The following CPNE9 variants were observed in gnomAD, a reference collection of about 807,000 sequenced individuals.
CPNE9 encodes the protein copine family member 9.
In CPNE9, 59 loss-of-function variants were observed where a neutral mutation model predicts 83.0. The observed-to-expected ratio is 0.71, with a 90% CI of 0.58 to 0.88. The LOEUF is 0.88. CPNE9 is among the 40% of genes least tolerant of loss of function. The pLI, the probability that CPNE9 is intolerant of heterozygous loss-of-function variation, is 0.00. For synonymous variants in CPNE9, 256 were observed against 273.4 expected, an observed-to-expected ratio of 0.94 and a Z score of 0.63; for missense variants, 619 against 720.8, an observed-to-expected ratio of 0.86 and a Z score of 1.62.
At chr3:9,727,276 T>C (rs937232888) in intron 20 of CPNE9, 90 bp downstream of exon 20, 2 of 1,340,054 alleles carry the variant, frequency 1.5e-6, no homozygotes, top group African/African-American at 2.9e-5. Flanking sequence ...GCCTTCTCAG[T>C]CTCCTACTTT....
chr3:9,728,272 G>C (rs545908027), intron 20 of CPNE9, among the ~76,000 whole-genome samples: 1 of 152,342 alleles, frequency 6.6e-6, no homozygotes, highest in Admixed American at 6.5e-5. Context: ...AGGGCCTCTT[G>C]AGACCAGGAG....
At chr3:9,710,181 A>G (rs1188268333) in intron 7 of CPNE9, among the ~76,000 whole-genome samples, 4 of 152,144 alleles carry the variant, frequency 2.6e-5, no homozygotes, top group African/African-American at 9.7e-5. Flanking sequence ...CTACATTTAC[A>G]TATTGATGGG....
intron 7 of CPNE9, among the ~76,000 whole-genome samples, chr3:9,709,535 A>AT (rs1169933280): frequency 6.6e-6 from 1 of 151,168 alleles, no homozygotes; most frequent in East Asian, 2.1e-4. Flanking sequence ...CGCCCAGCCA[A>AT]TTTTTGTAGT....
chr3:9,725,587 T>G (rs914700195), intron 17 of CPNE9, among the ~76,000 whole-genome samples: 5 of 149,740 alleles, frequency 3.3e-5, no homozygotes, highest in African/African-American at 1.2e-4. Flanking sequence ...TATATATGTG[T>G]ATATATATGT....
Position 9,704,500 on chromosome 3 carries a change from G to GCCT in CPNE9, c.69-85_69-83dup, listed in dbSNP as rs1192286713. ...GACAGAGGTTCGATGCGGGCCCCAT[G>GCCT]CCTCTCCTCAGTGCCCGGCTCAGAG... On this transcript the variant is annotated intron_variant, in intron 1 of 20. Coordinates refer to ENST00000383832, the MANE Select transcript of CPNE9 (RefSeq NM_153635.3). The surrounding 1 kb of genome is among the most constrained non-coding windows in gnomAD (Gnocchi z 7.1). 1.5e-5 allele frequency: 17 copies of GCCT among 1,159,494 alleles called. No individual in the cohort carries two copies. The highest frequency in any genetic ancestry group is 4.2e-4 in the Middle Eastern group (2 of 4,738). The allele number at this position is 1,159,494 out of a possible 1,614,324, so 71.8% of individuals were successfully genotyped here.
chr3:9,713,164 A>G (rs2125465396), intron 10 of CPNE9, 85 bp downstream of exon 10: 6 of 1,055,492 alleles, frequency 5.7e-6, no homozygotes, highest in East Asian at 5.0e-5. Context: ...TAGAAGTATC[A>G]TAATAGCGTT....
chr3:9,726,124 C>T, intron 18 of CPNE9, 73 bp downstream of exon 18: 2 of 938,948 alleles, frequency 2.1e-6, no homozygotes, highest in Non-Finnish European at 3.2e-6. Flanking sequence ...TTTTATCCTA[C>T]TTGCAAGCTA....
intron 20 of CPNE9, among the ~76,000 whole-genome samples, chr3:9,729,091 G>GA (rs2076808080): frequency 6.6e-6 from 1 of 152,154 alleles, no homozygotes; most frequent in African/African-American, 2.4e-5. Flanking sequence ...GGTGGGAGGG[G>GA]GGAGCTTCAA....
At chr3:9,711,197 A>G (rs1439867437) in intron 7 of CPNE9, among the ~76,000 whole-genome samples, 1 of 152,010 alleles carries the variant, frequency 6.6e-6, no homozygotes, top group Non-Finnish European at 1.5e-5. Context: ...TGGATGTGCA[A>G]GCGAATTATT....
intron 10 of CPNE9, 27 bp downstream of exon 10, chr3:9,713,106 A>C (rs1318231809): frequency 6.5e-7 from 1 of 1,536,090 alleles, no homozygotes; most frequent in East Asian, 2.2e-5. Flanking sequence ...GCTGGGGAGT[A>C]AGGAGCCAAG....
intron 4 of CPNE9, 69 bp downstream of exon 4, chr3:9,705,063 C>A: frequency 8.7e-7 from 1 of 1,154,862 alleles, no homozygotes; most frequent in Non-Finnish European, 1.3e-6. Flanking sequence ...TCTGGCTGGC[C>A]CCACCCCCGC....
rs1244804626 is a variant in CPNE9, at chr3:9,704,674, A to G, written c.109+47A>G. ...AGGGGGAACTTGGGGTCTGGGCGCG[A>G]CTCAGGGGCGGGTGGAGTCGGGGCC... On this transcript the variant is annotated intron_variant, in intron 2 of 20. Coordinates refer to ENST00000383832, the MANE Select transcript of CPNE9 (RefSeq NM_153635.3). This position sits in a 1 kb window ranked among gnomAD's most constrained non-coding sequence, Gnocchi z 7.1. 1.2e-6 allele frequency: 2 copies of G among 1,611,832 alleles called. No individual in the cohort carries two copies. The highest frequency in any genetic ancestry group is 2.7e-5 in the African/African-American group (2 of 74,794).
Position 9,712,907 on chromosome 3 carries a change from G to C in CPNE9, c.546-68G>C, listed in dbSNP as rs369200151. The stretch of plus-strand genomic sequence containing the variant: ...GTGGGGGAATCTCAGGAATCTCTGA[G>C]AGCATCTGGATTCAGTCCTACCCCG... On this transcript the variant is annotated intron_variant, in intron 9 of 20. Coordinates refer to ENST00000383832, the MANE Select transcript of CPNE9 (RefSeq NM_153635.3). The C allele has an allele frequency of 4.1e-5, 64 of 1,568,564 alleles. No individual in the cohort carries two copies. In the African/African-American group the frequency reaches 7.7e-4, roughly 19 times the overall value.
intron 17 of CPNE9, among the ~76,000 whole-genome samples, chr3:9,725,463 A>C (rs370982852): frequency 4.0e-5 from 6 of 151,044 alleles, no homozygotes; most frequent in African/African-American, 9.7e-5. Flanking sequence ...TGAGCCCGGG[A>C]GGTGGAGGTT....
chr3:9,706,077 G>C lies in CPNE9; in HGVS notation c.377+14G>C, dbSNP rs371374062. On this transcript the variant is annotated intron_variant, in intron 7 of 20. Coordinates refer to ENST00000383832, the MANE Select transcript of CPNE9 (RefSeq NM_153635.3). ...GCGAACCCTCACGTAAGCTGAATAG[G>C]AAGGGGTGTGGGAGTGGGGTGGGGG... is the stretch of plus-strand genomic sequence containing the variant. The C allele has an allele frequency of 1.2e-6, 2 of 1,612,624 alleles. No homozygotes were observed. Among genetic ancestry groups the C allele is most frequent in the Non-Finnish European group, 1.7e-6 (2 of 1,179,658 alleles).
intron 13 of CPNE9, 137 bp from the exon 14 acceptor site, chr3:9,715,837 T>G: frequency 1.4e-6 from 1 of 712,052 alleles, no homozygotes; most frequent in Non-Finnish European, 2.5e-6. Context: ...TTGAACAGGG[T>G]GGGACTGACT....
Position 9,727,526 on chromosome 3 carries a change from A to T in CPNE9, c.1476+340A>T. ...TGAGAGCCTGTAACAGGGACCTAAC[A>T]TAGGTACAGTAGTCAGGAAAGGGTT... On this transcript the variant is annotated intron_variant, in intron 20 of 20. Transcript: ENST00000383832. The T allele has an allele frequency of 4.5e-6, 3 of 664,992 alleles. No homozygotes were observed. In the South Asian group the frequency reaches 4.9e-5, roughly 11 times the overall value. 41.2% of individuals were successfully genotyped at this position (664,992 alleles called of 1,614,324 possible).
At chr3:9,723,389 T>C (rs2076750577) in intron 17 of CPNE9, among the ~76,000 whole-genome samples, 1 of 151,908 alleles carries the variant, frequency 6.6e-6, no homozygotes, top group African/African-American at 2.4e-5. Flanking sequence ...GGAGAATCCC[T>C]TGAACCCAGG....
chr3:9,726,784 C>A, intron 19 of CPNE9, 62 bp downstream of exon 19: 1 of 1,481,036 alleles, frequency 6.8e-7, no homozygotes, highest in African/African-American at 1.4e-5. Context: ...GGGAGGGGGT[C>A]GGGTACTTGG....
Sources: gnomAD v4.1 joint callset for allele counts (sites outside exome capture counted in the v4.1 genomes callset) on GRCh38, gnomAD v4.1.1 for gene constraint, Gnocchi (gnomAD v3.1) non-coding constraint, MANE v1.5 for transcripts, NCBI Gene and HGNC (gene_info 2026-07-23, HGNC 2026-07-21) for gene names.